GALK2: variants seen among roughly 807,000 people sequenced by gnomAD.
GALK2 encodes the protein galactokinase 2, also known as N-acetylgalactosamine kinase.
In GALK2, 36 loss-of-function variants were observed where a neutral mutation model predicts 52.4. That is an observed-to-expected ratio of 0.69 (90% CI 0.53 to 0.91). The LOEUF (loss-of-function observed/expected upper bound fraction) is 0.91. Ranked by LOEUF, GALK2 falls within the 40% of genes least tolerant of loss-of-function variation. The pLI is 0.00. For missense variants in GALK2, 579 were observed against 559.1 expected (o/e 1.04, Z -0.36); for synonymous variants, 176 against 199.1 (o/e 0.88, Z 0.98).
intron 2 of GALK2, among the ~76,000 whole-genome samples, chr15:49,211,131 T>C (rs1003025615): frequency 2.0e-5 from 3 of 152,192 alleles, no homozygotes; most frequent in Admixed American, 2.0e-4. Context: ...CATAGGTTGT[T>C]AGAAGCAGCC....
chr15:49,246,038 T>C (rs2091334270), intron 5 of GALK2, among the ~76,000 whole-genome samples: 1 of 152,228 alleles, frequency 6.6e-6, no homozygotes, highest in Admixed American at 6.5e-5. Flanking sequence ...TGTTTTCCTA[T>C]ATAAACACCT....
chr15:49,229,206 G>T (rs1232460263), intron 3 of GALK2, among the ~76,000 whole-genome samples: 1 of 152,274 alleles, frequency 6.6e-6, no homozygotes, highest in Non-Finnish European at 1.5e-5. Context: ...TAGTATTGTA[G>T]TCTCTGTATA....
At chr15:49,281,000 C>A (rs1345269898) in intron 5 of GALK2, among the ~76,000 whole-genome samples, 1 of 152,124 alleles carries the variant, frequency 6.6e-6, no homozygotes, top group Non-Finnish European at 1.5e-5. Context: ...CAATGCCCAG[C>A]TAATTTTTGT....
chr15:49,301,425 T>C (rs1388363044), intron 8 of GALK2, among the ~76,000 whole-genome samples: 2 of 152,246 alleles, frequency 1.3e-5, no homozygotes, highest in Non-Finnish European at 2.9e-5. Flanking sequence ...TCTGGAGTCT[T>C]GGAGCCTCAG....
At position 49,201,084 on chromosome 15, in the gene GALK2, GTGTA is replaced by G. The variant is rs1241843582; in HGVS notation, c.54-70_54-67del. ...TGTGTGTGTGTGTGTGTGTGTGTGT[GTGTA>G]TGTATGTGTGTGTATGTTATGTTAC... On this transcript the variant is annotated intron_variant, in intron 1 of 9. Coordinates refer to ENST00000560031, the MANE Select transcript of GALK2 (RefSeq NM_002044.4). 1.1e-3 allele frequency: 727 copies of G among 673,620 alleles called. 1 individual carries two copies. The highest frequency in any genetic ancestry group is 2.8e-3 in the South Asian group (169 of 61,062). The allele number at this position is 673,620 out of a possible 1,614,324, so 41.7% of individuals were successfully genotyped here.
At chr15:49,223,678 A>G (rs1030694211) in intron 3 of GALK2, among the ~76,000 whole-genome samples, 2 of 152,170 alleles carry the variant, frequency 1.3e-5, no homozygotes, top group African/African-American at 2.4e-5. Context: ...GCTTAGGACT[A>G]TAGCCTCCAG....
chr15:49,250,292 G>C (rs1298904818), intron 5 of GALK2, among the ~76,000 whole-genome samples: 2 of 152,098 alleles, frequency 1.3e-5, no homozygotes, highest in Admixed American at 1.3e-4. Flanking sequence ...AAATGAGACT[G>C]GTTAAAGCAT....
At chr15:49,183,358 G>A (rs1019696531) in intron 1 of GALK2, among the ~76,000 whole-genome samples, 10 of 152,104 alleles carry the variant, frequency 6.6e-5, no homozygotes, top group African/African-American at 2.4e-4. Context: ...GCTGTGTTGT[G>A]TTTCCATTTT....
At chr15:49,357,758 A>G (rs1438173415) in intron 3 of GALK2, among the ~76,000 whole-genome samples, 1 of 152,126 alleles carries the variant, frequency 6.6e-6, no homozygotes, top group Non-Finnish European at 1.5e-5. Flanking sequence ...TCATTCTGAT[A>G]CCAAAGCCAA....
At chr15:49,213,913 C>G (rs181734167) in intron 2 of GALK2, among the ~76,000 whole-genome samples, 2 of 152,050 alleles carry the variant, frequency 1.3e-5, no homozygotes, top group Non-Finnish European at 2.9e-5. Flanking sequence ...GTCAGGAGAT[C>G]GAGACCATCA....
At chr15:49,205,637 T>C (rs1332294383) in intron 2 of GALK2, among the ~76,000 whole-genome samples, 1 of 152,366 alleles carries the variant, frequency 6.6e-6, no homozygotes, top group Non-Finnish European at 1.5e-5. Flanking sequence ...ATTAGTCCTT[T>C]GTCAGATGTA....
intron 3 of GALK2, among the ~76,000 whole-genome samples, chr15:49,233,476 C>G (rs1010032436): frequency 6.6e-6 from 1 of 152,204 alleles, no homozygotes; most frequent in African/African-American, 2.4e-5. Context: ...CATGTAGCTT[C>G]CTACATATGT....
At chr15:49,266,381 CAGAG>C (rs1292705421) in intron 5 of GALK2, among the ~76,000 whole-genome samples, 2 of 152,112 alleles carry the variant, frequency 1.3e-5, no homozygotes, top group Non-Finnish European at 2.9e-5. Context: ...GGAACGGAAA[CAGAG>C]AGGGGAAGAA....
At chr15:49,271,716 A>G (rs1249598140) in intron 5 of GALK2, among the ~76,000 whole-genome samples, 1 of 152,220 alleles carries the variant, frequency 6.6e-6, no homozygotes, top group Non-Finnish European at 1.5e-5. Context: ...ACAGTGTCTG[A>G]GGCATTGTGT....
intron 1 of GALK2, among the ~76,000 whole-genome samples, chr15:49,186,764 C>G (rs184159332): frequency 6.6e-6 from 1 of 152,112 alleles, no homozygotes; most frequent in South Asian, 2.1e-4. Context: ...GTCTCAATCT[C>G]TTGACCTCAT....
At chr15:49,158,277 C>T (rs949507649) in intron 1 of GALK2, among the ~76,000 whole-genome samples, 1 of 152,016 alleles carries the variant, frequency 6.6e-6, no homozygotes. Flanking sequence ...AACAAGATGA[C>T]GGAATGAGGC....
chr15:49,328,280 C>G lies in GALK2; in HGVS notation c.*121C>G. 2.8e-6 allele frequency: 4 copies of G among 1,442,056 alleles called. No homozygotes were observed. Among genetic ancestry groups the G allele is most frequent in the Non-Finnish European group, 3.6e-6 (4 of 1,098,800 alleles). 89.3% of individuals were successfully genotyped at this position (1,442,056 alleles called of 1,614,324 possible). A position where few individuals can be genotyped will look rare whatever the true frequency, so the allele number is the denominator to read the frequency against. Reference sequence around the variant, plus strand: ...TTATGATGAACGGTTGCTATTATATCAAGATATATTTTCAAAGAAATGGTT... The same window carrying G: ...TTATGATGAACGGTTGCTATTATATGAAGATATATTTTCAAAGAAATGGTT... On this transcript the variant is annotated 3_prime_UTR_variant, in exon 10 of 10. Transcript: ENST00000560031.
intron 2 of GALK2, among the ~76,000 whole-genome samples, chr15:49,211,727 G>A (rs1486589609): frequency 6.6e-6 from 1 of 152,184 alleles, no homozygotes; most frequent in Non-Finnish European, 1.5e-5. Context: ...TAGAGCAGGA[G>A]GACGAGAGGG....
intron 5 of GALK2, among the ~76,000 whole-genome samples, chr15:49,275,184 G>A (rs1323509422): frequency 1.3e-5 from 2 of 152,238 alleles, no homozygotes; most frequent in East Asian, 3.9e-4. Context: ...TCTGAGCTAT[G>A]GTGTCACTAG....
Sources: allele counts gnomAD v4.1 joint callset (sites outside exome capture counted in the v4.1 genomes callset), GRCh38; gene constraint gnomAD v4.1.1; transcripts MANE v1.5; gene names NCBI Gene and HGNC (gene_info 2026-07-23, HGNC 2026-07-21).